The following CDC42BPA variants were observed in gnomAD, a reference collection of about 807,000 sequenced individuals.
CDC42BPA encodes the protein CDC42 binding protein kinase alpha.
In CDC42BPA, 80 loss-of-function variants were observed where a neutral mutation model predicts 223.5. The ratio of observed to expected loss-of-function variants is 0.36; its 90% CI spans 0.30 to 0.43. The LOEUF is 0.43. CDC42BPA is among the 20% of genes least tolerant of loss of function. The probability of loss-of-function intolerance (pLI) is 1.00; values close to 1 mark genes in which losing one functional copy is unlikely to be tolerated. For missense variants in CDC42BPA, 1,743 were observed against 2,099.9 expected, an observed-to-expected ratio of 0.83 and a Z score of 3.32; for synonymous variants, 694 against 718.6, an observed-to-expected ratio of 0.97 and a Z score of 0.55.
In CDC42BPA at chr1:227,026,139, T is replaced by C. The variant is rs1382898841; in HGVS notation, c.4446A>G (p.Pro1482=). ...CATTTTCACTGTACACCGAGAGATA[T>C]GGTGCATTGTAACCTGGGAGAAGGG... is the stretch of plus-strand genomic sequence containing the variant. ...ANPSSCCYNA[P]YLSVYSENAV... Residue 1482 remains proline (P), a synonymous_variant, in exon 31 of 37, where the codon CCA becomes CCG. Transcript: ENST00000366766. 7 of 1,595,488 alleles carry C rather than the reference T, an allele frequency of 4.4e-6. No homozygotes were observed. The African/African-American group carries it at 5.4e-5, about 12-fold the overall frequency.
At chr1:227,129,973 A>G (rs575852517) in intron 10 of CDC42BPA, among the ~76,000 whole-genome samples, 1 of 152,262 alleles carries the variant, frequency 6.6e-6, no homozygotes, top group African/African-American at 2.4e-5. Context: ...GCTACAGGTA[A>G]CCATGGCTCA....
intron 2 of CDC42BPA, among the ~76,000 whole-genome samples, chr1:227,247,503 A>T (rs1446395982): frequency 6.6e-6 from 1 of 151,712 alleles, no homozygotes; most frequent in Non-Finnish European, 1.5e-5. Flanking sequence ...TTAAAAAACA[A>T]TAGCTACTTT....
At chr1:227,288,320 A>G (rs1689124988) in intron 1 of CDC42BPA, among the ~76,000 whole-genome samples, 1 of 152,160 alleles carries the variant, frequency 6.6e-6, no homozygotes, top group African/African-American at 2.4e-5. Context: ...AGCTGCAGTG[A>G]GCTGTGATCG....
intron 2 of CDC42BPA, among the ~76,000 whole-genome samples, chr1:227,248,233 A>C (rs1010135342): frequency 6.6e-6 from 1 of 152,216 alleles, no homozygotes; most frequent in African/African-American, 2.4e-5. Flanking sequence ...AGTACAGCAT[A>C]GTTCTTTAAG....
intron 23 of CDC42BPA, among the ~76,000 whole-genome samples, chr1:227,045,228 T>C (rs1672193839): frequency 1.3e-5 from 2 of 152,234 alleles, no homozygotes; most frequent in Non-Finnish European, 2.9e-5. Flanking sequence ...AATGCAATTT[T>C]TTCCCCCCTG....
chr1:227,276,912 C>T (rs925577472), intron 1 of CDC42BPA, among the ~76,000 whole-genome samples: 1 of 151,902 alleles, frequency 6.6e-6, no homozygotes, highest in Non-Finnish European at 1.5e-5. Flanking sequence ...TCCCTAATCT[C>T]AAGTACCCAG....
In CDC42BPA at chr1:227,173,154, C is replaced by T. The variant is rs966021861; in HGVS notation, c.600-12518G>A. 5.1e-4 allele frequency among the ~76,000 whole-genome samples: 78 copies of T among 152,080 alleles called. 2 individuals carry two copies. The highest frequency in any genetic ancestry group is 8.8e-5 in the Non-Finnish European group (6 of 68,008). ...TATATAATGGCTTTATAGGATAGAC[C>T]AGAAGTTTCGTTCAATTACCCTGCA... On this transcript the variant is annotated intron_variant, in intron 5 of 36. Coordinates refer to ENST00000366766, the MANE Select transcript of CDC42BPA (RefSeq NM_001394014.1).
At chr1:227,091,668 G>A (rs971354139) in intron 16 of CDC42BPA, among the ~76,000 whole-genome samples, 5 of 152,030 alleles carry the variant, frequency 3.3e-5, no homozygotes, top group Non-Finnish European at 7.4e-5. Flanking sequence ...AAAAATATAT[G>A]GGACAAAGAA....
At chr1:227,267,333 T>G (rs1032998076) in intron 1 of CDC42BPA, among the ~76,000 whole-genome samples, 20 of 152,278 alleles carry the variant, frequency 1.3e-4, no homozygotes, top group African/African-American at 4.8e-4. Flanking sequence ...AGTGATCTCT[T>G]AAAGCTTAGA....
At chr1:227,195,443 T>C (rs1202995663) in intron 4 of CDC42BPA, among the ~76,000 whole-genome samples, 1 of 152,132 alleles carries the variant, frequency 6.6e-6, no homozygotes, top group Non-Finnish European at 1.5e-5. Context: ...CCCAAAGTGC[T>C]GGGATTACAG....
intron 5 of CDC42BPA, among the ~76,000 whole-genome samples, chr1:227,179,660 A>AAAAAC (rs1667602280): frequency 7.1e-6 from 1 of 141,330 alleles, no homozygotes; most frequent in African/African-American, 2.7e-5. Flanking sequence ...AAAAAAAAAA[A>AAAAAC]GCTATTTTAA....
At chr1:227,128,999 C>A in intron 11 of CDC42BPA, 110 bp downstream of exon 11, 1 of 736,894 alleles carries the variant, frequency 1.4e-6, no homozygotes, top group Non-Finnish European at 2.2e-6. Flanking sequence ...GACTAGCATG[C>A]AACTCACATC....
chr1:227,196,921 T>A (rs897696092), intron 4 of CDC42BPA, among the ~76,000 whole-genome samples: 8 of 152,204 alleles, frequency 5.3e-5, no homozygotes, highest in African/African-American at 1.9e-4. Context: ...AAAAATTTTA[T>A]GTGTCAATGT....
chr1:227,030,315 G>T, intron 29 of CDC42BPA, 93 bp downstream of exon 29: 3 of 744,106 alleles, frequency 4.0e-6, no homozygotes, highest in Non-Finnish European at 6.8e-6. Flanking sequence ...ATAAATAAGA[G>T]CAAATCCTGC....
chr1:227,186,441 C>T (rs2150086053), intron 5 of CDC42BPA, among the ~76,000 whole-genome samples: 1 of 152,220 alleles, frequency 6.6e-6, no homozygotes, highest in Admixed American at 6.5e-5. Flanking sequence ...AGAGACTAAC[C>T]TACCAGAAGG....
Position 227,181,525 on chromosome 1 carries a change from C to G in CDC42BPA, c.599+12261G>C, listed in dbSNP as rs112931441. 1.1e-3 allele frequency among the ~76,000 whole-genome samples: 164 copies of G among 152,294 alleles called. 2 individuals are homozygous for G. Among genetic ancestry groups the G allele is most frequent in the African/African-American group, 3.7e-3 (152 of 41,566 alleles). On this transcript the variant is annotated intron_variant, in intron 5 of 36. Coordinates refer to ENST00000366766, the MANE Select transcript of CDC42BPA (RefSeq NM_001394014.1). ...TTTTCCAAGAGATCTTCCTGATTCA[C>G]TTGTTCATCTACTATTTTCTTTTAT...
At position 227,060,784 on chromosome 1, in the gene CDC42BPA, C is replaced by T. The variant is rs189823047; in HGVS notation, c.2905-8799G>A. Among the ~76,000 whole-genome samples, 951 of 128,702 alleles carry T rather than the reference C, an allele frequency of 7.4e-3. 13 individuals carry two copies. The highest frequency in any genetic ancestry group is 0.027 in the African/African-American group (913 of 33,340). 84.4% of individuals were successfully genotyped at this position (128,702 alleles called of 152,430 possible). A position where few individuals can be genotyped will look rare whatever the true frequency, so the allele number is the denominator to read the frequency against. On this transcript the variant is annotated intron_variant, in intron 21 of 36. Coordinates refer to ENST00000366766, the MANE Select transcript of CDC42BPA (RefSeq NM_001394014.1). ...TGTCACCCAGGTGGATGCAGTGGTG[C>T]GATCTCGGCTCACTGCAACCTCTAC...
chr1:227,066,551 G>C (rs1336567348), intron 21 of CDC42BPA, among the ~76,000 whole-genome samples: 1 of 152,018 alleles, frequency 6.6e-6, no homozygotes. Flanking sequence ...ATGACTTTGA[G>C]GATCAAATGA....
At position 227,139,753 on chromosome 1, in the gene CDC42BPA, G is replaced by GA. The variant is rs200960373; in HGVS notation, c.1224-12dup. ...CGATCAGAAAGTACACTGAAGAAAA[G>GA]AAAAAAAAATGTAGGTTCATACTGT... On this transcript the variant is annotated splice_polypyrimidine_tract_variant and intron_variant, in intron 9 of 36. Coordinates refer to ENST00000366766, the MANE Select transcript of CDC42BPA (RefSeq NM_001394014.1). 1,867 of 1,460,410 alleles carry GA rather than the reference G, an allele frequency of 1.3e-3. 1 individual carries two copies. The highest frequency in any genetic ancestry group is 6.0e-3 in the African/African-American group (409 of 68,478). The allele number at this position is 1,460,410 out of a possible 1,614,324, so 90.5% of individuals were successfully genotyped here.
Sources: allele counts gnomAD v4.1 joint callset (sites outside exome capture counted in the v4.1 genomes callset), GRCh38; gene constraint gnomAD v4.1.1; transcripts MANE v1.5; gene names NCBI Gene and HGNC (gene_info 2026-07-23, HGNC 2026-07-21).